Variants in CDH20 observed in about 807,000 individuals in gnomAD.
The protein encoded by CDH20 is cadherin-20.
CDH20 carries 29 observed loss-of-function variants against 74.2 expected under a neutral mutation model. The observed-to-expected ratio is 0.39, with a 90% CI of 0.29 to 0.53. The LOEUF (loss-of-function observed/expected upper bound fraction) is 0.53. CDH20 is among the 20% of genes least tolerant of loss of function. CDH20 has a pLI of 0.69. For missense variants in CDH20, 988 were observed against 1,048.3 expected, an observed-to-expected ratio of 0.94 and a Z score of 0.79; for synonymous variants, 469 against 405.4, an observed-to-expected ratio of 1.16 and a Z score of -1.88.
chr18:61,429,266 T>C (rs1044731849), intron 1 of CDH20, among the ~76,000 whole-genome samples: 1 of 152,188 alleles, frequency 6.6e-6, no homozygotes, highest in African/African-American at 2.4e-5. Context: ...GTTTCTTAAT[T>C]GTCCTCATCC....
At chr18:61,491,558 C>T (rs568707086) in intron 2 of CDH20, among the ~76,000 whole-genome samples, 70 of 152,256 alleles carry the variant, frequency 4.6e-4, no homozygotes, top group African/African-American at 1.7e-3. Context: ...AAAGCCCAGC[C>T]CTGCCAATTA....
intron 1 of CDH20, among the ~76,000 whole-genome samples, chr18:61,377,972 T>G (rs1205659529): frequency 1.3e-5 from 2 of 152,174 alleles, no homozygotes; most frequent in African/African-American, 4.8e-5. Context: ...AGGAGAAATC[T>G]ATACCTTTCT....
At chr18:61,365,117 T>G (rs1910816482) in intron 1 of CDH20, among the ~76,000 whole-genome samples, 1 of 152,210 alleles carries the variant, frequency 6.6e-6, no homozygotes, top group Non-Finnish European at 1.5e-5. Flanking sequence ...TTACATACAC[T>G]GTCTAGGAGC....
chr18:61,384,775 T>G (rs1412972476), intron 1 of CDH20, among the ~76,000 whole-genome samples: 2 of 152,116 alleles, frequency 1.3e-5, no homozygotes, highest in African/African-American at 4.8e-5. Flanking sequence ...AAAAGCAAAT[T>G]TGAGAGCATA....
chr18:61,355,729 C>G (rs571110016), intron 1 of CDH20, among the ~76,000 whole-genome samples: 30 of 152,222 alleles, frequency 2.0e-4, no homozygotes, highest in Admixed American at 6.5e-4. Flanking sequence ...GTAGCACTGT[C>G]AAGCCCTCAA....
intron 1 of CDH20, among the ~76,000 whole-genome samples, chr18:61,482,927 T>C (rs1910637008): frequency 1.3e-5 from 2 of 152,310 alleles, no homozygotes; most frequent in South Asian, 4.1e-4. Flanking sequence ...GCCTCCCTCA[T>C]CCCTCCTCAG....
intron 1 of CDH20, among the ~76,000 whole-genome samples, chr18:61,479,663 T>A (rs541893041): frequency 1.1e-4 from 2 of 18,654 alleles, no homozygotes; most frequent in East Asian, 1.7e-3. Context: ...TGTGTCACTA[T>A]TTTTCCCCCC....
intron 10 of CDH20, among the ~76,000 whole-genome samples, chr18:61,546,438 T>C (rs1913252289): frequency 6.6e-6 from 1 of 152,196 alleles, no homozygotes; most frequent in Admixed American, 6.5e-5. Flanking sequence ...AATGGTAATA[T>C]GAATTATAAA....
chr18:61,458,902 TTC>T (rs1301220781), intron 1 of CDH20, among the ~76,000 whole-genome samples: 1 of 152,242 alleles, frequency 6.6e-6, no homozygotes, highest in East Asian at 1.9e-4. Context: ...GCTTGTTGAT[TTC>T]TTTTATTATC....
intron 6 of CDH20, among the ~76,000 whole-genome samples, chr18:61,516,970 AACTT>A (rs758428099): frequency 6.6e-6 from 1 of 152,206 alleles, no homozygotes; most frequent in Non-Finnish European, 1.5e-5. Context: ...AGTCTTAAGT[AACTT>A]ACTTAAAAAG....
chr18:61,504,022 C>T (rs891890548), intron 5 of CDH20, among the ~76,000 whole-genome samples: 1 of 39,510 alleles, frequency 2.5e-5, no homozygotes, highest in South Asian at 1.7e-3. Flanking sequence ...TGAGTAAAAA[C>T]CTGAATGGAA....
chr18:61,528,173 ACAGAT>A lies in CDH20; in HGVS notation c.1227_1231del (p.Gln409HisfsTer18). The A allele has an allele frequency of 6.2e-7, 1 of 1,614,088 alleles. No homozygotes were observed. Among genetic ancestry groups the A allele is most frequent in the East Asian group, 2.2e-5 (1 of 44,876 alleles). ...AGGATGTGGCGATTGGAACAACCATACAGATCATTTCTGCCAAGGACCCAGATGTG... is the reference window on the plus strand; with the variant it reads ...AGGATGTGGCGATTGGAACAACCATACATTTCTGCCAAGGACCCAGATGTG... On this transcript the variant is annotated frameshift_variant, in exon 7 of 12. Coordinates refer to ENST00000262717, the MANE Select transcript of CDH20 (RefSeq NM_031891.4). LOFTEE classifies it high-confidence loss of function.
At chr18:61,488,089 T>TAA (rs1910830130) in intron 1 of CDH20, among the ~76,000 whole-genome samples, 2 of 151,246 alleles carry the variant, frequency 1.3e-5, no homozygotes, top group Admixed American at 1.3e-4. Context: ...TACATATATA[T>TAA]ATATATGTAC....
intron 1 of CDH20, among the ~76,000 whole-genome samples, chr18:61,420,336 C>A (rs892030249): frequency 6.6e-4 from 98 of 148,024 alleles, no homozygotes; most frequent in African/African-American, 2.3e-3. Flanking sequence ...AACAACATGT[C>A]ATTCAGCCTG....
chr18:61,372,697 T>C (rs530569616), intron 1 of CDH20, among the ~76,000 whole-genome samples: 1 of 152,262 alleles, frequency 6.6e-6, no homozygotes, highest in East Asian at 1.9e-4. Context: ...AAAGCTTTAT[T>C]GGAAAACAGC....
rs116599987 is a variant in CDH20 at position 61,472,154 on chromosome 18, T to G, written c.-152-18248T>G. Among the ~76,000 whole-genome samples, 1,491 of 152,114 alleles carry G rather than the reference T, an allele frequency of 9.8e-3. 18 individuals are homozygous for G. Among genetic ancestry groups the G allele is most frequent in the African/African-American group, 0.033 (1,364 of 41,500 alleles). Reference sequence around the variant, plus strand: ...AGGGCAACTGCCAGCTCCCCTTCCTTGTATACCAGGCTCCCTCCCACCCCC... The same window carrying G: ...AGGGCAACTGCCAGCTCCCCTTCCTGGTATACCAGGCTCCCTCCCACCCCC... On this transcript the variant is annotated intron_variant, in intron 1 of 11. Coordinates refer to ENST00000262717, the MANE Select transcript of CDH20 (RefSeq NM_031891.4).
chr18:61,447,746 T>A (rs1909248675), intron 1 of CDH20, among the ~76,000 whole-genome samples: 1 of 152,210 alleles, frequency 6.6e-6, no homozygotes, highest in Non-Finnish European at 1.5e-5. Flanking sequence ...TAATTTCACA[T>A]CATGACTTTA....
intron 6 of CDH20, among the ~76,000 whole-genome samples, chr18:61,520,389 C>T (rs1457669438): frequency 2.7e-5 from 4 of 149,742 alleles, no homozygotes; most frequent in Non-Finnish European, 5.9e-5. Context: ...GAATAGCTAA[C>T]TATCCTAAAT....
At chr18:61,448,557 A>T (rs984371657) in intron 1 of CDH20, among the ~76,000 whole-genome samples, 1 of 152,194 alleles carries the variant, frequency 6.6e-6, no homozygotes, top group African/African-American at 2.4e-5. Flanking sequence ...GTTGTTATTT[A>T]TTTAATAATT....
Sources: allele counts gnomAD v4.1 joint callset (sites outside exome capture counted in the v4.1 genomes callset), GRCh38; gene constraint gnomAD v4.1.1; transcripts MANE v1.5; gene names NCBI Gene and HGNC (gene_info 2026-07-23, HGNC 2026-07-21).